LMO2: variants seen among roughly 807,000 people sequenced by gnomAD.
LMO2 encodes the protein LIM domain only 2, also known as rhombotin-2.
In LMO2, 20 loss-of-function variants were observed where a neutral mutation model predicts 23.2. The observed-to-expected ratio is 0.86, with a 90% CI of 0.61 to 1.25. The LOEUF (loss-of-function observed/expected upper bound fraction) is 1.25. Among genes scored for constraint, LMO2 ranks in the 50% most tolerant of loss-of-function variants. The pLI is 0.00. For missense variants in LMO2, 270 were observed against 315.3 expected (o/e 0.86, Z 1.09); for synonymous variants, 123 against 130.2 (o/e 0.94, Z 0.38).
chr11:33,864,595 AG>A lies in LMO2; in HGVS notation c.464+6del. 6.2e-7 allele frequency: 1 copy of A among 1,609,354 alleles called. No individual in the cohort carries two copies. The highest frequency in any genetic ancestry group is 1.1e-5 in the South Asian group (1 of 90,844). ...CCGAGGGCCCAGTGGAGTGCCGGGG[AG>A]GGTACCTGAGATAGTCTCTCCGGCA... On this transcript the variant is annotated splice_donor_region_variant and intron_variant, in intron 5 of 5. Coordinates refer to ENST00000257818, the MANE Select transcript of LMO2 (RefSeq NM_005574.4). The surrounding 1 kb of genome is among the most constrained non-coding windows in gnomAD (Gnocchi z 4.8).
intron 5 of LMO2, among the ~76,000 whole-genome samples, chr11:33,860,312 A>G (rs745371555): frequency 5.9e-5 from 9 of 152,120 alleles, no homozygotes; most frequent in Non-Finnish European, 1.0e-4. Flanking sequence ...TGACATTTAA[A>G]TCAAGACTCT....
At position 33,880,620 on chromosome 11, in the gene LMO2, T is replaced by G. The variant is rs1247372333; in HGVS notation, c.-272+1204A>C. 1 of 153,462 alleles carries G rather than the reference T, an allele frequency of 6.5e-6. No individual in the cohort carries two copies. The highest frequency in any genetic ancestry group is 1.4e-5 in the Non-Finnish European group (1 of 68,994). The allele number at this position is 153,462 out of a possible 1,614,324, so 9.5% of individuals were successfully genotyped here. A position where few individuals can be genotyped will look rare whatever the true frequency, so the allele number is the denominator to read the frequency against. ...GGTCACCCAACAATATTTATGTGCT[T>G]AATGCCACTGAACTGTACCCTTGGG... On this transcript the variant is annotated intron_variant, in intron 2 of 5. Transcript: ENST00000257818. This position sits in a 1 kb window ranked among gnomAD's most constrained non-coding sequence, Gnocchi z 4.3.
chr11:33,879,199 G>A (rs1472247709), intron 2 of LMO2, among the ~76,000 whole-genome samples: 1 of 152,174 alleles, frequency 6.6e-6, no homozygotes, highest in East Asian at 1.9e-4. Flanking sequence ...ATTAGAAATA[G>A]ATAAATTGGA....
chr11:33,875,626 C>T (rs1590647554), intron 2 of LMO2, among the ~76,000 whole-genome samples: 1 of 151,824 alleles, frequency 6.6e-6, no homozygotes, highest in African/African-American at 2.4e-5. Context: ...AATTCAGACC[C>T]TTTGATGGAC....
chr11:33,858,790 T>C lies in LMO2; in HGVS notation c.*566A>G, dbSNP rs1264037224. 9.0e-6 allele frequency: 2 copies of C among 223,326 alleles called. No homozygotes were observed. The highest frequency in any genetic ancestry group is 1.8e-5 in the Non-Finnish European group (2 of 112,116). The allele number at this position is 223,326 out of a possible 1,614,324, so 13.8% of individuals were successfully genotyped here. A position where few individuals can be genotyped will look rare whatever the true frequency, so the allele number is the denominator to read the frequency against. On this transcript the variant is annotated 3_prime_UTR_variant, in exon 6 of 6. Coordinates refer to ENST00000257818, the MANE Select transcript of LMO2 (RefSeq NM_005574.4). ...TTTAAATAATTGTTTGGTTAAAAGT[T>C]GTGGTTTCCATTCTCAACCGAAATG...
intron 4 of LMO2, among the ~76,000 whole-genome samples, chr11:33,868,634 G>A (rs917795227): frequency 6.6e-6 from 1 of 152,208 alleles, no homozygotes; most frequent in East Asian, 1.9e-4. Flanking sequence ...ACCCTTTTAA[G>A]ACTCTGCTAA....
At chr11:33,865,259 C>T (rs771008925) in intron 4 of LMO2, 12 of 233,300 alleles carry the variant, frequency 5.1e-5, no homozygotes, top group East Asian at 1.0e-4. Flanking sequence ...CTAAAAGAGT[C>T]GCTCACTGCC....
intron 1 of LMO2, among the ~76,000 whole-genome samples, chr11:33,887,063 A>G (rs1396332922): frequency 2.0e-5 from 3 of 152,278 alleles, no homozygotes; most frequent in African/African-American, 7.2e-5. Context: ...GCAATCCCAC[A>G]TGGGAATCCA....
chr11:33,870,710 G>GC (rs993150087), intron 2 of LMO2, among the ~76,000 whole-genome samples: 1 of 152,168 alleles, frequency 6.6e-6, no homozygotes, highest in African/African-American at 2.4e-5. Flanking sequence ...CGGTTAAACT[G>GC]CCCCCCATGT....
Position 33,864,533 on chromosome 11 carries a change from C to T in LMO2, c.464+69G>A. ...GGAGCAGGGTAAGGGGCAACACACA[C>T]CGACTGCAGATGTCCATGGACCACC... On this transcript the variant is annotated intron_variant, in intron 5 of 5. Coordinates refer to ENST00000257818, the MANE Select transcript of LMO2 (RefSeq NM_005574.4). The surrounding 1 kb of genome is among the most constrained non-coding windows in gnomAD (Gnocchi z 4.8). 2 of 1,327,608 alleles carry T rather than the reference C, an allele frequency of 1.5e-6. No homozygotes were observed. The highest frequency in any genetic ancestry group is 1.3e-5 in the South Asian group (1 of 76,452). 82.2% of individuals were successfully genotyped at this position (1,327,608 alleles called of 1,614,324 possible).
At position 33,869,744 on chromosome 11, in the gene LMO2, T is replaced by C. The variant is rs1856948281; in HGVS notation, c.-28A>G. ...CGGTCCCGCCGCCGCCACCGCCCGG[T>C]CCCTCTCGCGCGCTGTCGCCGGCTC... On this transcript the variant is annotated 5_prime_UTR_variant, in exon 3 of 6. Transcript: ENST00000257818. The C allele has an allele frequency of 1.6e-6, 2 of 1,264,370 alleles. No individual in the cohort carries two copies. Among genetic ancestry groups the C allele is most frequent in the South Asian group, 2.3e-5 (1 of 43,754 alleles). 78.3% of individuals were successfully genotyped at this position (1,264,370 alleles called of 1,614,324 possible).
At chr11:33,887,664 C>A (rs537066832) in intron 1 of LMO2, among the ~76,000 whole-genome samples, 2 of 151,916 alleles carry the variant, frequency 1.3e-5, no homozygotes, top group African/African-American at 2.4e-5. Context: ...CCCACCTCAA[C>A]CTCCCAAGCA....
At chr11:33,881,474 T>C (rs754089615) in intron 2 of LMO2, 32 of 444,836 alleles carry the variant, frequency 7.2e-5, no homozygotes, top group Admixed American at 1.7e-4. Context: ...AATTGTGACT[T>C]GGGTTGGGAG....
rs147224382 is a variant in LMO2 at position 33,868,585 on chromosome 11, C to T, written c.248+761G>A. Among the ~76,000 whole-genome samples the T allele has an allele frequency of 2.2e-3, 338 of 152,304 alleles. 8 individuals carry two copies. The South Asian group carries it at 0.029, about 13-fold the overall frequency. On this transcript the variant is annotated intron_variant, in intron 4 of 5. Coordinates refer to ENST00000257818, the MANE Select transcript of LMO2 (RefSeq NM_005574.4). Reference sequence around the variant, plus strand: ...CAGTACGCGGCTCAGAAAACAGATGCGGCCAATGCTCATTAGAGCTCTGGT... The same window carrying T: ...CAGTACGCGGCTCAGAAAACAGATGTGGCCAATGCTCATTAGAGCTCTGGT...
Position 33,863,641 on chromosome 11 carries a change from CA to C in LMO2, c.464+960del, listed in dbSNP as rs3837370. ...TAGAGGGCACAGAGACAGTTACCTC[CA>C]CAGCAGCTCATCGGAAACTAGAAAC... On this transcript the variant is annotated intron_variant, in intron 5 of 5. Coordinates refer to ENST00000257818, the MANE Select transcript of LMO2 (RefSeq NM_005574.4). Among the ~76,000 whole-genome samples the C allele has an allele frequency of 7.0e-3, 1,062 of 152,288 alleles. 21 individuals carry two copies. In the East Asian group the frequency reaches 0.096, roughly 14 times the overall value.
At position 33,864,854 on chromosome 11, in the gene LMO2, A is replaced by G. The variant is rs762865453; in HGVS notation, c.249-37T>C. On this transcript the variant is annotated intron_variant, in intron 4 of 5. Transcript: ENST00000257818. The surrounding 1 kb of genome is among the most constrained non-coding windows in gnomAD (Gnocchi z 4.8). ...GCCAAGCATCAGGGACAGCCTCACC[A>G]GAGTGAGACCAGCACCGAGGGTCCG... 2.5e-6 allele frequency: 4 copies of G among 1,589,096 alleles called. No individual in the cohort carries two copies. Among genetic ancestry groups the G allele is most frequent in the South Asian group, 1.1e-5 (1 of 90,608 alleles).
At chr11:33,874,385 T>C (rs1398740772) in intron 2 of LMO2, among the ~76,000 whole-genome samples, 1 of 152,244 alleles carries the variant, frequency 6.6e-6, no homozygotes, top group Non-Finnish European at 1.5e-5. Context: ...TTCACTTCTC[T>C]GAACCTCAGT....
rs1037046541 is a variant in LMO2, at chr11:33,880,871, G to A, written c.-272+953C>T. On this transcript the variant is annotated intron_variant, in intron 2 of 5. Coordinates refer to ENST00000257818, the MANE Select transcript of LMO2 (RefSeq NM_005574.4). The surrounding 1 kb of genome is among the most constrained non-coding windows in gnomAD (Gnocchi z 4.3). ...CTCATGAGCTCCAACACATTCTTCA[G>A]TGCAATCAGTGGCAATCCCTGCCCA... 7.1e-6 allele frequency: 2 copies of A among 281,162 alleles called. No individual in the cohort carries two copies. The highest frequency in any genetic ancestry group is 3.4e-5 in the South Asian group (1 of 29,718). 17.4% of individuals were successfully genotyped at this position (281,162 alleles called of 1,614,324 possible). A position where few individuals can be genotyped will look rare whatever the true frequency, so the allele number is the denominator to read the frequency against.
rs1856922031 is a variant in LMO2, at chr11:33,869,451, G to A, written c.143C>T (p.Ala48Val). The A allele has an allele frequency of 2.5e-6, 3 of 1,195,418 alleles. No individual in the cohort carries two copies. Among genetic ancestry groups the A allele is most frequent in the South Asian group, 4.2e-5 (1 of 23,986 alleles). The allele number at this position is 1,195,418 out of a possible 1,614,324, so 74.1% of individuals were successfully genotyped here. ...CTTTGTGGCGCGGGGCTGGCCGGCT[G>A]CCGGGGCTCGGACCCCCTCGGGTGC... ...ARAPEGVRAPAAGQPRATKGA... is the reference protein window; with the variant it reads ...ARAPEGVRAPVAGQPRATKGA... Residue 48 changes from alanine to valine, a missense_variant, in exon 4 of 6, where the codon GCA becomes GTA. Ala to Val is a moderately conservative substitution (Grantham distance 64, BLOSUM62 0). Transcript: ENST00000257818.
Sources: allele counts gnomAD v4.1 joint callset (sites outside exome capture counted in the v4.1 genomes callset), GRCh38; gene constraint gnomAD v4.1.1; non-coding constraint Gnocchi (gnomAD v3.1); transcripts MANE v1.5; gene names NCBI Gene and HGNC (gene_info 2026-07-23, HGNC 2026-07-21).